GOLGA5: variants seen among roughly 807,000 people sequenced by gnomAD.
GOLGA5 encodes golgin subfamily A member 5.
Under a neutral mutation model 93.5 loss-of-function variants are expected in GOLGA5, and 50 were observed. The ratio of observed to expected loss-of-function variants is 0.53; its 90% CI spans 0.43 to 0.68. The LOEUF (loss-of-function observed/expected upper bound fraction) is 0.68. Among genes scored for constraint, GOLGA5 ranks in the 30% least tolerant of loss-of-function variants. The pLI is 0.00. For synonymous variants in GOLGA5, 312 were observed against 304.5 expected (o/e 1.02, Z -0.26); for missense variants, 760 against 856.4 (o/e 0.89, Z 1.40).
chr14:92,839,534 G>A lies in GOLGA5; in HGVS notation c.*88G>A. ...CAATTGCCTAAAATTTCTGAGAACA[G>A]TGCACAAGATTATTTTATCACTACA... On this transcript the variant is annotated 3_prime_UTR_variant, in exon 13 of 13. Transcript: ENST00000163416. 4 of 788,886 alleles carry A rather than the reference G, an allele frequency of 5.1e-6. No homozygotes were observed. Among genetic ancestry groups the A allele is most frequent in the South Asian group, 1.4e-5 (1 of 69,838 alleles). The allele number at this position is 788,886 out of a possible 1,614,324, so 48.9% of individuals were successfully genotyped here.
chr14:92,818,995 T>C (rs1050908107), intron 7 of GOLGA5, among the ~76,000 whole-genome samples: 4 of 152,226 alleles, frequency 2.6e-5, no homozygotes, highest in Admixed American at 1.3e-4. Flanking sequence ...TCTGGTGATA[T>C]GCAAGACAAG....
intron 6 of GOLGA5, among the ~76,000 whole-genome samples, chr14:92,815,033 T>C (rs915023516): frequency 1.2e-4 from 19 of 152,200 alleles, no homozygotes; most frequent in African/African-American, 4.6e-4. Flanking sequence ...CACTGCCAGG[T>C]TAGCCTCCTA....
In GOLGA5 at chr14:92,816,335, G is replaced by A. The variant is rs1422161836; in HGVS notation, c.1405G>A (p.Glu469Lys). 1 of 1,614,006 alleles carries A rather than the reference G, an allele frequency of 6.2e-7. No individual in the cohort carries two copies. The highest frequency in any genetic ancestry group is 8.5e-7 in the Non-Finnish European group (1 of 1,179,864). ...CAGCACTGCCAGTAGCATGGAGCTG[G>A]AAGAACTTCGGCATGAGAAAGAGAT... ...DSSTASSMEL[E>K]ELRHEKEMQR... The change falls in exon 7 of 13, where the codon GAA becomes AAA. Residue 469 changes from glutamate (E) to lysine (K), a missense_variant. Glu to Lys is a moderately conservative substitution (Grantham distance 56, BLOSUM62 1). Coordinates refer to ENST00000163416, the MANE Select transcript of GOLGA5 (RefSeq NM_005113.4).
In GOLGA5 at chr14:92,824,567, G is replaced by T; in HGVS notation, c.1642G>T (p.Asp548Tyr). 6.3e-7 allele frequency: 1 copy of T among 1,597,152 alleles called. No homozygotes were observed. The highest frequency in any genetic ancestry group is 8.6e-7 in the Non-Finnish European group (1 of 1,167,086). The change falls in exon 9 of 13, where the codon GAT becomes TAT. Residue 548 changes from aspartate (D) to tyrosine (Y), a missense_variant. Asp to Tyr is a radical substitution (Grantham distance 160). Coordinates refer to ENST00000163416, the MANE Select transcript of GOLGA5 (RefSeq NM_005113.4). ...GCAGGAGTTCCACTATATAGAAGAAGATCTTTATCGAACAAAGAACACATT... is the reference window on the plus strand; with the variant it reads ...GCAGGAGTTCCACTATATAGAAGAATATCTTTATCGAACAAAGAACACATT... ...LKQEFHYIEE[D>Y]LYRTKNTLQS...
intron 9 of GOLGA5, 41 bp from the exon 10 acceptor site, chr14:92,833,079 CTT>C: frequency 1.8e-6 from 2 of 1,090,972 alleles, no homozygotes; most frequent in African/African-American, 1.5e-5. Context: ...TATTGTATGA[CTT>C]TCATTTTATG....
In GOLGA5 at chr14:92,798,528, C is replaced by G. The variant is rs140214364; in HGVS notation, c.544+547C>G. On this transcript the variant is annotated intron_variant, in intron 2 of 12. Coordinates refer to ENST00000163416, the MANE Select transcript of GOLGA5 (RefSeq NM_005113.4). ...AACTCTTGTTTTCAATTGTTTAATT[C>G]CCTCTGAGATTACCTCTACAAGTAC... 2.6e-5 allele frequency among the ~76,000 whole-genome samples: 4 copies of G among 152,310 alleles called. No individual in the cohort carries two copies. In the East Asian group the frequency reaches 7.7e-4, roughly 29 times the overall value.
At chr14:92,798,375 G>A (rs968793667) in intron 2 of GOLGA5, among the ~76,000 whole-genome samples, 28 of 152,250 alleles carry the variant, frequency 1.8e-4, no homozygotes, top group Middle Eastern at 3.4e-3. Flanking sequence ...TGTACTTCAC[G>A]TATTTTCTGG....
At chr14:92,810,500 C>CAAAA (rs1238992502) in intron 5 of GOLGA5, 123 bp downstream of exon 5, 1 of 658,926 alleles carries the variant, frequency 1.5e-6, no homozygotes, top group Non-Finnish European at 2.3e-6. Flanking sequence ...AATTCTGTTT[C>CAAAA]TGTGACAAAA....
intron 12 of GOLGA5, among the ~76,000 whole-genome samples, chr14:92,838,153 G>A (rs1885684937): frequency 1.3e-5 from 2 of 152,116 alleles, no homozygotes; most frequent in South Asian, 2.1e-4. Flanking sequence ...CTTTCTCCCA[G>A]ATTTCTTACC....
intron 6 of GOLGA5, among the ~76,000 whole-genome samples, chr14:92,812,753 C>CTT (rs962144493): frequency 1.3e-4 from 20 of 152,198 alleles, no homozygotes; most frequent in African/African-American, 4.8e-4. Flanking sequence ...CCTTGGCTCT[C>CTT]TTTTTGTCCT....
intron 8 of GOLGA5, among the ~76,000 whole-genome samples, chr14:92,822,294 A>G (rs958929166): frequency 2.0e-5 from 3 of 152,176 alleles, no homozygotes; most frequent in African/African-American, 7.2e-5. Context: ...GTGCTGCCAT[A>G]TCACCTTTAC....
intron 9 of GOLGA5, among the ~76,000 whole-genome samples, chr14:92,826,844 A>G (rs901493272): frequency 5.3e-5 from 8 of 152,216 alleles, no homozygotes; most frequent in African/African-American, 1.4e-4. Flanking sequence ...AGCCTAAGCT[A>G]TAAAGCTTCT....
intron 10 of GOLGA5, among the ~76,000 whole-genome samples, chr14:92,833,959 G>A (rs926794954): frequency 2.0e-5 from 3 of 150,414 alleles, no homozygotes; most frequent in African/African-American, 7.3e-5. Context: ...TTTAAAAAGG[G>A]TGATCAGGAA....
intron 8 of GOLGA5, among the ~76,000 whole-genome samples, chr14:92,820,154 T>C (rs2140326784): frequency 6.6e-6 from 1 of 152,294 alleles, no homozygotes; most frequent in East Asian, 1.9e-4. Flanking sequence ...GTTCCCTCAG[T>C]ATTTATTGAT....
intron 9 of GOLGA5, among the ~76,000 whole-genome samples, chr14:92,826,785 C>A (rs1885432218): frequency 6.6e-6 from 1 of 151,694 alleles, no homozygotes; most frequent in Admixed American, 6.6e-5. Flanking sequence ...TATTTTTATC[C>A]CCTAATTAGA....
At chr14:92,802,105 A>G (rs774635536) in intron 2 of GOLGA5, among the ~76,000 whole-genome samples, 9 of 152,186 alleles carry the variant, frequency 5.9e-5, no homozygotes, top group Non-Finnish European at 1.0e-4. Context: ...GCTTCTATAT[A>G]GACAGTTTGG....
At chr14:92,803,703 T>G (rs1289818013) in intron 2 of GOLGA5, among the ~76,000 whole-genome samples, 1 of 152,194 alleles carries the variant, frequency 6.6e-6, no homozygotes, top group Non-Finnish European at 1.5e-5. Flanking sequence ...GCTGAAACTT[T>G]CAACGCAACC....
At chr14:92,805,524 G>C (rs1884965934) in intron 2 of GOLGA5, among the ~76,000 whole-genome samples, 2 of 152,070 alleles carry the variant, frequency 1.3e-5, no homozygotes, top group Non-Finnish European at 2.9e-5. Flanking sequence ...GGAATTGCTG[G>C]GTGAAACGGT....
In GOLGA5 at chr14:92,797,940, T is replaced by C. The variant is rs1337164224; in HGVS notation, c.503T>C (p.Ile168Thr). The C allele has an allele frequency of 6.3e-7, 1 of 1,595,054 alleles. No individual in the cohort carries two copies. The highest frequency in any genetic ancestry group is 1.1e-5 in the South Asian group (1 of 87,402). Residue 168 changes from isoleucine (I) to threonine (T), a missense_variant, in exon 2 of 13, where the codon ATC becomes ACC. Transcript: ENST00000163416. ...TCTGTGAACCCCAGTGTAACCACCATCAAAACCATTGAAGAAAATTCTTTT... is the reference window on the plus strand; with the variant it reads ...TCTGTGAACCCCAGTGTAACCACCACCAAAACCATTGAAGAAAATTCTTTT... ...VSSVNPSVTT[I>T]KTIEENSFGS... is the part of the protein sequence containing the mutation.
Sources: gnomAD v4.1 joint callset for allele counts (sites outside exome capture counted in the v4.1 genomes callset) on GRCh38, gnomAD v4.1.1 for gene constraint, MANE v1.5 for transcripts, NCBI Gene and HGNC (gene_info 2026-07-23, HGNC 2026-07-21) for gene names.